LRRC37A2: variants seen among roughly 807,000 people sequenced by gnomAD.
The protein encoded by LRRC37A2 is leucine-rich repeat-containing protein 37A2.
LRRC37A2 carries 9 observed loss-of-function variants against 68.8 expected under a neutral mutation model. The observed-to-expected ratio is 0.13, with a 90% CI of 0.08 to 0.23. The LOEUF (loss-of-function observed/expected upper bound fraction) is 0.23, where lower values mean the gene tolerates loss of function less well. LRRC37A2 is among the 10% of genes least tolerant of loss of function. The pLI, the probability that LRRC37A2 is intolerant of heterozygous loss-of-function variation, is 1.00. For missense variants in LRRC37A2, 168 were observed against 950.4 expected (o/e 0.18, Z 10.82); for synonymous variants, 63 against 367.6 (o/e 0.17, Z 9.48).
At chr17:46,723,302 T>C in the LRRC37A2 span, among the ~76,000 whole-genome samples, 3 of 152,338 alleles carry the variant, frequency 2.0e-5, no homozygotes, top group East Asian at 3.9e-4. Flanking sequence ...TCAGAGCTTT[T>C]AGTAGAATTC....
Position 46,516,387 on chromosome 17 carries a change from C to G in LRRC37A2, c.2610-975C>G, listed in dbSNP as rs11491193. On this transcript the variant is annotated intron_variant, in intron 2 of 14. Coordinates refer to ENST00000576629, the Ensembl canonical transcript of LRRC37A2. The stretch of plus-strand genomic sequence containing the variant: ...ATTAAGTACTAAAAGATAATGCAGA[C>G]CATTGGTGCTAGAATTTGCCAGAAT... 5.7e-3 allele frequency among the ~76,000 whole-genome samples: 798 copies of G among 138,862 alleles called. 10 individuals are homozygous for G. Among genetic ancestry groups the G allele is most frequent in the African/African-American group, 0.019 (693 of 35,828 alleles). 91.1% of individuals were successfully genotyped at this position (138,862 alleles called of 152,430 possible).
chr17:46,932,318 C>T, the LRRC37A2 span: 1 of 1,176,970 alleles, frequency 8.5e-7, no homozygotes, highest in Non-Finnish European at 1.3e-6. Flanking sequence ...ATGAGGAAAC[C>T]AACTGGAAAT....
the LRRC37A2 span, among the ~76,000 whole-genome samples, chr17:47,013,007 A>G: frequency 5.3e-5 from 8 of 152,264 alleles, no homozygotes; most frequent in Non-Finnish European, 7.3e-5. Flanking sequence ...CTATTCATAC[A>G]ATGGAATATT....
At chr17:46,737,771 A>G in the LRRC37A2 span, among the ~76,000 whole-genome samples, 1 of 152,080 alleles carries the variant, frequency 6.6e-6, no homozygotes. Context: ...AATCATTCAC[A>G]AATAGTAGTT....
chr17:46,478,595 C>G, the LRRC37A2 span, among the ~76,000 whole-genome samples: 1 of 109,520 alleles, frequency 9.1e-6, no homozygotes, highest in African/African-American at 3.1e-5. Context: ...CATGCTAGAC[C>G]CTGTGCTAGG....
At chr17:46,729,642 A>G in the LRRC37A2 span, among the ~76,000 whole-genome samples, 1 of 152,288 alleles carries the variant, frequency 6.6e-6, no homozygotes, top group South Asian at 2.1e-4. Flanking sequence ...ACCTTGAAAA[A>G]TGCCAATCAA....
chr17:46,710,898 G>A, the LRRC37A2 span: 39 of 1,417,040 alleles, frequency 2.8e-5, no homozygotes, highest in Admixed American at 5.3e-5. Context: ...ATTATAACTC[G>A]TCTTTTATAC....
the LRRC37A2 span, among the ~76,000 whole-genome samples, chr17:47,027,162 C>T: frequency 1.3e-5 from 2 of 152,242 alleles, no homozygotes; most frequent in Admixed American, 6.5e-5. Context: ...CTGCCAGCCT[C>T]GGCCTCCGAA....
At chr17:46,971,848 T>C in the LRRC37A2 span, among the ~76,000 whole-genome samples, 40 of 152,232 alleles carry the variant, frequency 2.6e-4, no homozygotes, top group Admixed American at 9.2e-4. Context: ...TGCATGTTTT[T>C]CTTCTGTGTT....
At chr17:46,899,124 TCA>T in the LRRC37A2 span, among the ~76,000 whole-genome samples, 1 of 152,140 alleles carries the variant, frequency 6.6e-6, no homozygotes, top group African/African-American at 2.4e-5. Context: ...GTGCAGTGGC[TCA>T]CACTCATAAT....
At chr17:47,013,658 T>C in the LRRC37A2 span, among the ~76,000 whole-genome samples, 11 of 152,306 alleles carry the variant, frequency 7.2e-5, no homozygotes, top group African/African-American at 1.9e-4. Context: ...GAATGTCTCA[T>C]TGTGGGGTGC....
chr17:46,992,898 A>G, the LRRC37A2 span, among the ~76,000 whole-genome samples: 1 of 151,420 alleles, frequency 6.6e-6, no homozygotes, highest in Non-Finnish European at 1.5e-5. Context: ...TGACACAGAA[A>G]GATGGCCACT....
the LRRC37A2 span, among the ~76,000 whole-genome samples, chr17:46,905,365 C>T: frequency 1.9e-4 from 29 of 152,174 alleles, no homozygotes; most frequent in Non-Finnish European, 3.2e-4. Flanking sequence ...TGTGAGCCAC[C>T]GTATCCAGCT....
intron 2 of LRRC37A2, among the ~76,000 whole-genome samples, chr17:46,516,128 A>G (rs1489898840): frequency 2.7e-5 from 4 of 147,776 alleles, no homozygotes; most frequent in Non-Finnish European, 5.9e-5. Context: ...GTGAAACCCC[A>G]TCTCTACTAA....
At chr17:46,835,496 C>A in the LRRC37A2 span, among the ~76,000 whole-genome samples, 1 of 152,200 alleles carries the variant, frequency 6.6e-6, no homozygotes, top group Non-Finnish European at 1.5e-5. Context: ...CAGGCATGAG[C>A]CACCACGCCC....
At chr17:46,989,757 C>G in the LRRC37A2 span, among the ~76,000 whole-genome samples, 1 of 152,238 alleles carries the variant, frequency 6.6e-6, no homozygotes, top group Admixed American at 6.5e-5. Flanking sequence ...CAAACACTCA[C>G]TTTTGGGACC....
the LRRC37A2 span, among the ~76,000 whole-genome samples, chr17:46,803,885 G>A: frequency 5.3e-5 from 8 of 152,324 alleles, no homozygotes; most frequent in South Asian, 2.1e-4. Context: ...TTCTCATGGC[G>A]CAGCTGAAGA....
chr17:46,737,423 G>A, the LRRC37A2 span, among the ~76,000 whole-genome samples: 1 of 152,172 alleles, frequency 6.6e-6, no homozygotes, highest in South Asian at 2.1e-4. Context: ...TTATACTCAG[G>A]TATTTCTCTA....
the LRRC37A2 span, among the ~76,000 whole-genome samples, chr17:46,492,593 T>A: frequency 6.7e-6 from 1 of 150,286 alleles, no homozygotes; most frequent in Non-Finnish European, 1.5e-5. Flanking sequence ...TTTTCCAAAG[T>A]AGCTGTACCA....
Sources: gnomAD v4.1 joint callset for allele counts (sites outside exome capture counted in the v4.1 genomes callset) on GRCh38, gnomAD v4.1.1 for gene constraint, MANE v1.5 for transcripts, NCBI Gene and HGNC (gene_info 2026-07-23, HGNC 2026-07-21) for gene names.